The following MBNL2 variants were observed in gnomAD, a reference collection of about 807,000 sequenced individuals.
MBNL2 encodes the protein muscleblind like splicing regulator 2.
MBNL2 carries 17 observed loss-of-function variants against 41.9 expected under a neutral mutation model. The observed-to-expected ratio is 0.41, with a 90% CI of 0.28 to 0.61. The LOEUF (loss-of-function observed/expected upper bound fraction) is 0.61. Ranked by LOEUF, MBNL2 falls within the 20% of genes least tolerant of loss-of-function variation. The pLI is 0.35. For missense variants in MBNL2, 336 were observed against 505.6 expected (o/e 0.66, Z 3.22); for synonymous variants, 195 against 182.9 (o/e 1.07, Z -0.53).
Position 97,357,622 on chromosome 13 carries a change from G to A in MBNL2, c.999G>A (p.Ala333=), listed in dbSNP as rs757698725. ...GCGCACAGTTGCAGCAACACGCCGC[G>A]TTCATTCCAACAGGTATGTGCCCTT... ...LTSAQLQQHA[A]FIPTGSVLCM... The change falls in exon 7 of 9, where the codon GCG becomes GCA. Residue 333 remains alanine (A), a synonymous_variant. Coordinates refer to ENST00000679496, the MANE Select transcript of MBNL2 (RefSeq NM_001382683.1). The A allele has an allele frequency of 1.4e-5, 22 of 1,613,790 alleles. No homozygotes were observed. The Admixed American group carries it at 2.0e-4, about 15-fold the overall frequency.
intron 2 of MBNL2, among the ~76,000 whole-genome samples, chr13:97,283,175 C>T (rs1185391625): frequency 6.6e-6 from 1 of 152,232 alleles, no homozygotes; most frequent in African/African-American, 2.4e-5. Flanking sequence ...CCTCCCCTTG[C>T]TCCCTCAGTG....
intron 7 of MBNL2, among the ~76,000 whole-genome samples, chr13:97,360,340 C>G (rs1285685036): frequency 6.6e-6 from 1 of 152,178 alleles, no homozygotes; most frequent in Non-Finnish European, 1.5e-5. Flanking sequence ...ATATGAGAGT[C>G]TTCTCCCAAA....
At chr13:97,145,271 C>G in the MBNL2 span, among the ~76,000 whole-genome samples, 1 of 152,026 alleles carries the variant, frequency 6.6e-6, no homozygotes, top group African/African-American at 2.4e-5. Flanking sequence ...TGTAACCTGA[C>G]CAGGCCTGAC....
At chr13:97,314,280 C>G (rs1290317434) in intron 2 of MBNL2, among the ~76,000 whole-genome samples, 2 of 152,224 alleles carry the variant, frequency 1.3e-5, no homozygotes, top group Non-Finnish European at 2.9e-5. Context: ...CTTAACACCT[C>G]AAATGGCATC....
rs147493800 is a variant in MBNL2 at position 97,370,458 on chromosome 13, T to C, written c.1048+5287T>C. On this transcript the variant is annotated intron_variant, in intron 8 of 8. Coordinates refer to ENST00000679496, the MANE Select transcript of MBNL2 (RefSeq NM_001382683.1). The stretch of plus-strand genomic sequence containing the variant: ...GCCGAGGTGGGCAGATCACCTGAGG[T>C]TGGGAGTTCGAGACCAACCTGACCA... 8.0e-4 allele frequency among the ~76,000 whole-genome samples: 121 copies of C among 152,072 alleles called. 1 individual carries two copies. In the East Asian group the frequency reaches 0.022, roughly 27 times the overall value.
chr13:97,287,839 C>T (rs764671676), intron 2 of MBNL2, among the ~76,000 whole-genome samples: 3 of 149,126 alleles, frequency 2.0e-5, no homozygotes, highest in Non-Finnish European at 3.0e-5. Flanking sequence ...GATTCTCCTG[C>T]GTTCAAGCGA....
intron 8 of MBNL2, among the ~76,000 whole-genome samples, chr13:97,383,463 C>T (rs2065661312): frequency 6.6e-6 from 1 of 152,142 alleles, no homozygotes; most frequent in African/African-American, 2.4e-5. Context: ...TTTTAAATGA[C>T]AATTTTTCTT....
the MBNL2 span, among the ~76,000 whole-genome samples, chr13:97,145,734 T>A: frequency 6.6e-6 from 1 of 152,204 alleles, no homozygotes; most frequent in East Asian, 1.9e-4. Flanking sequence ...AATAATAGTT[T>A]GTTGCAGAAA....
rs575403433 is a variant in MBNL2 at position 97,343,158 on chromosome 13, C to T, written c.482C>T (p.Pro161Leu). The change falls in exon 4 of 9, where the codon CCG becomes CTG. Residue 161 changes from proline to leucine, a missense_variant. Transcript: ENST00000679496. ...TTPVIVPGSP[P>L]VTVPGSTATQ... ...CCTGTTATTGTTCCCGGAAGTCCAC[C>T]GGTCACTGTCCCGGGCTCAACTGCA... The T allele has an allele frequency of 1.3e-5, 21 of 1,613,948 alleles. No homozygotes were observed. The highest frequency in any genetic ancestry group is 3.3e-5 in the South Asian group (3 of 91,032).
chr13:97,192,632 A>G, the MBNL2 span, among the ~76,000 whole-genome samples: 1 of 152,214 alleles, frequency 6.6e-6, no homozygotes, highest in Non-Finnish European at 1.5e-5. Context: ...CAGGAAACCC[A>G]TGATCCTGAG....
chr13:97,301,377 G>T (rs1594180257), intron 2 of MBNL2, among the ~76,000 whole-genome samples: 1 of 152,188 alleles, frequency 6.6e-6, no homozygotes, highest in Admixed American at 6.5e-5. Flanking sequence ...AGCAGAAGAG[G>T]TGGGATGTAT....
chr13:97,276,503 C>A, intron 2 of MBNL2, 94 bp downstream of exon 2: 1 of 1,186,362 alleles, frequency 8.4e-7, no homozygotes. Context: ...TTAAAAATTG[C>A]TTTTAGATTC....
chr13:97,259,404 G>A (rs1423969615), intron 1 of MBNL2, among the ~76,000 whole-genome samples: 1 of 152,154 alleles, frequency 6.6e-6, no homozygotes, highest in Non-Finnish European at 1.5e-5. Context: ...CTTCACCCCT[G>A]CACCGACTCC....
At chr13:97,233,212 C>T (rs1425697254) in intron 1 of MBNL2, among the ~76,000 whole-genome samples, 5 of 128,384 alleles carry the variant, frequency 3.9e-5, no homozygotes, top group Admixed American at 8.5e-5. Flanking sequence ...GGTACATGTG[C>T]ACAACATGCA....
intron 2 of MBNL2, among the ~76,000 whole-genome samples, chr13:97,314,231 C>T (rs1472030251): frequency 6.6e-6 from 1 of 152,182 alleles, no homozygotes; most frequent in Admixed American, 6.5e-5. Flanking sequence ...CATTTCCTCA[C>T]TCCTCTCCCC....
At chr13:97,228,750 G>C (rs891410440) in intron 1 of MBNL2, among the ~76,000 whole-genome samples, 2 of 151,604 alleles carry the variant, frequency 1.3e-5, no homozygotes, top group Non-Finnish European at 2.9e-5. Flanking sequence ...GGGTAGTCTC[G>C]AACTCCTGAC....
At chr13:97,231,682 A>G (rs1327015452) in intron 1 of MBNL2, among the ~76,000 whole-genome samples, 1 of 152,112 alleles carries the variant, frequency 6.6e-6, no homozygotes, top group Non-Finnish European at 1.5e-5. Context: ...GTCTCTGGCT[A>G]TCTCCCCATT....
chr13:97,187,838 G>A, the MBNL2 span, among the ~76,000 whole-genome samples: 2 of 151,580 alleles, frequency 1.3e-5, no homozygotes, highest in African/African-American at 2.4e-5. Flanking sequence ...ACCCCGGGAC[G>A]GCGGAGCCTG....
At chr13:97,279,455 A>G (rs9516888) in intron 2 of MBNL2, among the ~76,000 whole-genome samples, 90,846 of 152,156 alleles carry the variant, frequency 0.6, 27,340 homozygotes, top group East Asian at 0.66. Flanking sequence ...CTTTCCCTTC[A>G]TAATAAAGTA....
Sources: gnomAD v4.1 joint callset for allele counts (sites outside exome capture counted in the v4.1 genomes callset) on GRCh38, gnomAD v4.1.1 for gene constraint, MANE v1.5 for transcripts, NCBI Gene and HGNC (gene_info 2026-07-23, HGNC 2026-07-21) for gene names.